Variants in MLLT10 observed in about 807,000 individuals in gnomAD.
MLLT10 encodes MLLT10 histone lysine methyltransferase DOT1L cofactor.
MLLT10 carries 30 observed loss-of-function variants against 129.1 expected under a neutral mutation model. The observed-to-expected ratio is 0.23, with a 90% CI of 0.17 to 0.32. The LOEUF (loss-of-function observed/expected upper bound fraction) is 0.32, where lower values mean the gene tolerates loss of function less well. Among genes scored for constraint, MLLT10 ranks in the 10% least tolerant of loss-of-function variants. The pLI is 1.00. For synonymous variants in MLLT10, 490 were observed against 446.4 expected (o/e 1.10, Z -1.23); for missense variants, 1,119 against 1,268.3 (o/e 0.88, Z 1.79).
rs1324657354 is a variant in MLLT10, at chr10:21,584,857, TGTGTGTATGTAC to T, written c.241-1430_241-1419del. ...ATACATACACACATATATATACGTA[TGTGTGTATGTAC>T]GTGTGTGTGTGTGTGTTTATATATA... On this transcript the variant is annotated intron_variant, in intron 3 of 22. Coordinates refer to ENST00000307729, the MANE Select transcript of MLLT10 (RefSeq NM_001195626.3). Among the ~76,000 whole-genome samples, 3 of 151,780 alleles carry T rather than the reference TGTGTGTATGTAC, an allele frequency of 2.0e-5. No individual in the cohort carries two copies. In the East Asian group the frequency reaches 5.8e-4, roughly 29 times the overall value.
chr10:21,552,479 C>T (rs1280433049), intron 3 of MLLT10, among the ~76,000 whole-genome samples: 1 of 149,508 alleles, frequency 6.7e-6, no homozygotes, highest in African/African-American at 2.5e-5. Flanking sequence ...GCAACCTTCA[C>T]CTCCTGGGTT....
intron 8 of MLLT10, among the ~76,000 whole-genome samples, chr10:21,623,743 T>A (rs1278472460): frequency 6.6e-6 from 1 of 152,226 alleles, no homozygotes; most frequent in African/African-American, 2.4e-5. Flanking sequence ...TTAGAAAGTT[T>A]TAAAAGCACC....
chr10:21,704,765 C>T (rs1272653011), intron 13 of MLLT10, among the ~76,000 whole-genome samples: 2 of 151,610 alleles, frequency 1.3e-5, no homozygotes, highest in Non-Finnish European at 2.9e-5. Flanking sequence ...GGGTAGGCAC[C>T]GTAGTTGTGA....
intron 17 of MLLT10, 94 bp from the exon 18 acceptor site, chr10:21,732,805 T>G: frequency 2.0e-6 from 2 of 1,011,160 alleles, no homozygotes; most frequent in Admixed American, 3.2e-5. Flanking sequence ...TACTGTTCTA[T>G]TTTAACTTAT....
At chr10:21,667,225 AAAAAG>A (rs2050900141) in intron 9 of MLLT10, among the ~76,000 whole-genome samples, 3 of 152,088 alleles carry the variant, frequency 2.0e-5, no homozygotes, top group Admixed American at 2.0e-4. Context: ...CTTAAAAAGA[AAAAAG>A]AAAAGCCTGG....
chr10:21,733,955 T>C lies in MLLT10; in HGVS notation c.2684T>C (p.Val895Ala). The change falls in exon 20 of 23, where the codon GTG becomes GCG. Residue 895 changes from valine to alanine, a missense_variant. Transcript: ENST00000307729. ...TCCACCATTCCTGCCGTGTCTGCAG[T>C]GGGTGGAATAATTGGAGCTTTGCCA... ...VTSTIPAVSA[V>A]GGIIGALPGN... 6.2e-7 allele frequency: 1 copy of C among 1,614,156 alleles called. No individual in the cohort carries two copies. Among genetic ancestry groups the C allele is most frequent in the Non-Finnish European group, 8.5e-7 (1 of 1,180,026 alleles).
At chr10:21,665,269 G>A (rs1282655380) in intron 9 of MLLT10, among the ~76,000 whole-genome samples, 1 of 136,128 alleles carries the variant, frequency 7.3e-6, no homozygotes, top group African/African-American at 2.8e-5. Flanking sequence ...ACTTAAAATA[G>A]GCTTCTTTTT....
At chr10:21,703,969 T>C (rs1472244423) in intron 13 of MLLT10, among the ~76,000 whole-genome samples, 1 of 151,304 alleles carries the variant, frequency 6.6e-6, no homozygotes, top group Non-Finnish European at 1.5e-5. Context: ...CTTGATCTAG[T>C]CTATTGTTGA....
At chr10:21,684,369 T>TC (rs2053066279) in intron 13 of MLLT10, among the ~76,000 whole-genome samples, 2 of 152,202 alleles carry the variant, frequency 1.3e-5, no homozygotes, top group Admixed American at 1.3e-4. Context: ...TTTAGACTTT[T>TC]CTCCTGAGTT....
intron 13 of MLLT10, 146 bp from the exon 14 acceptor site, chr10:21,713,626 T>G: frequency 1.6e-6 from 1 of 622,710 alleles, no homozygotes; most frequent in East Asian, 3.1e-5. Context: ...ATTTGTTTAG[T>G]TACTAGCACA....
chr10:21,666,171 G>A (rs924182251), intron 9 of MLLT10, among the ~76,000 whole-genome samples: 11 of 152,030 alleles, frequency 7.2e-5, no homozygotes, highest in African/African-American at 2.7e-4. Context: ...GATTTAGAGA[G>A]TACGGTATAG....
chr10:21,557,054 C>G (rs2038120256), intron 3 of MLLT10: 1 of 1,420,254 alleles, frequency 7.0e-7, no homozygotes, highest in Non-Finnish European at 9.2e-7. Context: ...TTGATTTTTT[C>G]CCACTCAACT....
intron 22 of MLLT10, among the ~76,000 whole-genome samples, chr10:21,740,517 A>C (rs1291731293): frequency 1.3e-5 from 2 of 152,214 alleles, no homozygotes; most frequent in Admixed American, 1.3e-4. Flanking sequence ...TCAAAAGACA[A>C]TAGTTGGTGC....
At chr10:21,587,165 C>T (rs1487297006) in intron 4 of MLLT10, among the ~76,000 whole-genome samples, 1 of 151,676 alleles carries the variant, frequency 6.6e-6, no homozygotes, top group Non-Finnish European at 1.5e-5. Context: ...TTTGAGAGGC[C>T]AAGGTAGGAG....
chr10:21,684,344 A>T (rs2053061484), intron 13 of MLLT10, among the ~76,000 whole-genome samples: 1 of 152,118 alleles, frequency 6.6e-6, no homozygotes, highest in African/African-American at 2.4e-5. Context: ...TAGCTTCCCA[A>T]ATCGATGCCT....
intron 3 of MLLT10, among the ~76,000 whole-genome samples, chr10:21,542,992 T>G (rs1049935411): frequency 2.0e-5 from 3 of 151,918 alleles, no homozygotes; most frequent in Admixed American, 6.6e-5. Flanking sequence ...GAAATTTTGC[T>G]GTGTTGCCCA....
chr10:21,689,565 G>GTATATATATATATATATATATGTATA, intron 13 of MLLT10, among the ~76,000 whole-genome samples: 1 of 113,456 alleles, frequency 8.8e-6, no homozygotes, highest in African/African-American at 3.5e-5. Flanking sequence ...ATATATATAT[G>GTATATATATATATATATATATGTATA]TATATATATA....
chr10:21,600,109 A>G (rs1253735496), intron 5 of MLLT10, among the ~76,000 whole-genome samples: 3 of 152,176 alleles, frequency 2.0e-5, no homozygotes, highest in African/African-American at 7.2e-5. Flanking sequence ...TAAATTATTG[A>G]ATACTTGAGT....
chr10:21,538,175 T>A (rs9730811), intron 2 of MLLT10, among the ~76,000 whole-genome samples: 10 of 146,496 alleles, frequency 6.8e-5, no homozygotes, highest in Non-Finnish European at 8.9e-5. Flanking sequence ...TTTTTTTTTT[T>A]AAATTTGAGA....
Sources: gnomAD v4.1 joint callset for allele counts (sites outside exome capture counted in the v4.1 genomes callset) on GRCh38, gnomAD v4.1.1 for gene constraint, MANE v1.5 for transcripts, NCBI Gene and HGNC (gene_info 2026-07-23, HGNC 2026-07-21) for gene names.